The following PCNX1 variants were observed in gnomAD, a reference collection of about 807,000 sequenced individuals.
PCNX1 encodes the protein pecanex 1.
A neutral mutation model predicts 242.2 loss-of-function variants in PCNX1; 78 were observed. That is an observed-to-expected ratio of 0.32 (90% CI 0.27 to 0.39). The LOEUF (loss-of-function observed/expected upper bound fraction) is 0.39, where lower values mean the gene tolerates loss of function less well. Ranked by LOEUF, PCNX1 falls within the 10% of genes least tolerant of loss-of-function variation. The pLI, the probability that PCNX1 is intolerant of heterozygous loss-of-function variation, is 1.00. For missense variants in PCNX1, 2,581 were observed against 2,856.5 expected, an observed-to-expected ratio of 0.90 and a Z score of 2.20; for synonymous variants, 1,024 against 1,032.9, an observed-to-expected ratio of 0.99 and a Z score of 0.17.
chr14:71,057,698 T>C lies in PCNX1; in HGVS notation c.4826T>C (p.Phe1609Ser). ...GAGATAGGCAATGGTCTGGTCACTT[T>C]TCAGCTGCGGGGACTTGAATTCAGA... ...LIEIGNGLVT[F>S]QLRGLEFRGT... The change falls in exon 26 of 36, where the codon TTT becomes TCT. Residue 1609 changes from phenylalanine to serine, a missense_variant. By Grantham distance (155) the Phe-to-Ser change is radical. Transcript: ENST00000304743. The C allele has an allele frequency of 6.2e-7, 1 of 1,613,672 alleles. No homozygotes were observed. The highest frequency in any genetic ancestry group is 8.5e-7 in the Non-Finnish European group (1 of 1,179,626).
intron 30 of PCNX1, among the ~76,000 whole-genome samples, chr14:71,092,001 A>G (rs906444700): frequency 1.1e-4 from 16 of 152,246 alleles, no homozygotes; most frequent in African/African-American, 3.9e-4. Flanking sequence ...GTGCAGTACC[A>G]TAAACCTTAA....
rs200851585 is a variant in PCNX1, at chr14:70,949,391, A to ATG, written c.362+2280_362+2281dup. Among the ~76,000 whole-genome samples, 50 of 84,094 alleles carry ATG rather than the reference A, an allele frequency of 5.9e-4. 1 individual carries two copies. Among genetic ancestry groups the ATG allele is most frequent in the Non-Finnish European group, 1.7e-4 (6 of 36,148 alleles). The allele number at this position is 84,094 out of a possible 152,430, so 55.2% of individuals were successfully genotyped here. A position where few individuals can be genotyped will look rare whatever the true frequency, so the allele number is the denominator to read the frequency against. On this transcript the variant is annotated intron_variant, in intron 2 of 35. Transcript: ENST00000304743. ...TATAGACACATACGTGTATATACAT[A>ATG]TGTGTGTGTGTGTACATATATATGT...
At chr14:71,030,976 TAAAG>T (rs1381046824) in intron 16 of PCNX1, among the ~76,000 whole-genome samples, 1 of 152,186 alleles carries the variant, frequency 6.6e-6, no homozygotes, top group Non-Finnish European at 1.5e-5. Flanking sequence ...ACAACATTAT[TAAAG>T]AATAGTAACA....
At chr14:71,034,418 A>G (rs1405181048) in intron 18 of PCNX1, among the ~76,000 whole-genome samples, 1 of 152,106 alleles carries the variant, frequency 6.6e-6, no homozygotes, top group African/African-American at 2.4e-5. Flanking sequence ...ATGTCTCTGT[A>G]AGTCATTTAT....
intron 1 of PCNX1, among the ~76,000 whole-genome samples, chr14:70,935,530 C>T (rs538159397): frequency 2.8e-4 from 42 of 152,280 alleles, no homozygotes; most frequent in African/African-American, 9.9e-4. Context: ...ATCTTTGACT[C>T]TTTTTGTAGA....
chr14:71,015,509 G>C (rs1005981464), intron 11 of PCNX1, among the ~76,000 whole-genome samples: 6 of 152,260 alleles, frequency 3.9e-5, no homozygotes, highest in African/African-American at 1.4e-4. Flanking sequence ...TCATAAATGT[G>C]TATTGTAAAC....
chr14:71,022,223 G>A (rs1021628269), intron 12 of PCNX1, among the ~76,000 whole-genome samples: 10 of 152,092 alleles, frequency 6.6e-5, no homozygotes, highest in African/African-American at 2.4e-4. Context: ...TGTCAGTCTT[G>A]CACTATACCT....
intron 1 of PCNX1, among the ~76,000 whole-genome samples, chr14:70,916,241 A>G (rs2056148214): frequency 6.6e-6 from 1 of 152,164 alleles, no homozygotes; most frequent in Non-Finnish European, 1.5e-5. Flanking sequence ...AGTGTCGAAG[A>G]GGAATGTTCA....
rs1387360991 is a variant in PCNX1, at chr14:70,994,426, T to TATATATATATAG, written c.2445-1311_2445-1310insATATATAGATAT. On this transcript the variant is annotated intron_variant, in intron 7 of 35. Transcript: ENST00000304743. ...ATATATATATATATATATATATATA[T>TATATATATATAG]ATATGTATGTATGTATGTTTCAACA... Among the ~76,000 whole-genome samples the TATATATATATAG allele has an allele frequency of 9.8e-3, 1,130 of 114,868 alleles. 28 individuals are homozygous for TATATATATATAG. The highest frequency in any genetic ancestry group is 0.017 in the Non-Finnish European group (921 of 54,126). The allele number at this position is 114,868 out of a possible 152,430, so 75.4% of individuals were successfully genotyped here.
At chr14:70,932,461 C>T (rs1156329860) in intron 1 of PCNX1, among the ~76,000 whole-genome samples, 1 of 152,030 alleles carries the variant, frequency 6.6e-6, no homozygotes, top group Admixed American at 6.6e-5. Context: ...CAGTAAGACA[C>T]AGGCTTCATG....
At chr14:70,916,440 A>G (rs902638545) in intron 1 of PCNX1, among the ~76,000 whole-genome samples, 6 of 152,180 alleles carry the variant, frequency 3.9e-5, no homozygotes, top group African/African-American at 1.4e-4. Flanking sequence ...AAGAGAGTAC[A>G]GGCGTACCTT....
intron 14 of PCNX1, 81 bp downstream of exon 14, chr14:71,026,369 A>G (rs2060244094): frequency 1.2e-6 from 1 of 851,514 alleles, no homozygotes; most frequent in Non-Finnish European, 1.7e-6. Context: ...TATCAATTAT[A>G]CAGCTTTAGT....
At chr14:70,937,098 A>T (rs2057037529) in intron 1 of PCNX1, among the ~76,000 whole-genome samples, 1 of 152,096 alleles carries the variant, frequency 6.6e-6, no homozygotes, top group South Asian at 2.1e-4. Context: ...GTTCACTCTG[A>T]TGGTAGTTTC....
intron 16 of PCNX1, chr14:71,031,880 G>A (rs541438086): frequency 7.6e-6 from 11 of 1,452,398 alleles, no homozygotes; most frequent in East Asian, 2.3e-5. Flanking sequence ...TTCACAGCAC[G>A]AGCAGATTTT....
intron 30 of PCNX1, among the ~76,000 whole-genome samples, chr14:71,095,883 A>AGT (rs1410187055): frequency 6.6e-6 from 1 of 152,190 alleles, no homozygotes; most frequent in Non-Finnish European, 1.5e-5. Context: ...TTTCTTAAGA[A>AGT]TATGATTATT....
chr14:70,968,805 T>A (rs2058456257), intron 4 of PCNX1, among the ~76,000 whole-genome samples: 1 of 152,248 alleles, frequency 6.6e-6, no homozygotes, highest in Admixed American at 6.5e-5. Context: ...CCACATTGTT[T>A]GGTTTGTAGT....
chr14:70,994,426 T>TATAGATATATATATATATATATATATAG (rs1555357421), intron 7 of PCNX1, among the ~76,000 whole-genome samples: 1 of 114,984 alleles, frequency 8.7e-6, no homozygotes, highest in Non-Finnish European at 1.8e-5. Flanking sequence ...TATATATATA[T>TATAGATATATATATATATATATATATAG]ATATGTATGT....
chr14:70,919,249 A>G (rs911707481), intron 1 of PCNX1, among the ~76,000 whole-genome samples: 22 of 152,214 alleles, frequency 1.4e-4, no homozygotes, highest in Admixed American at 1.3e-3. Flanking sequence ...GACAGTAGAC[A>G]GAATTTTTCT....
At chr14:70,979,288 T>C (rs1218785997) in intron 6 of PCNX1, among the ~76,000 whole-genome samples, 1 of 152,204 alleles carries the variant, frequency 6.6e-6, no homozygotes, top group Non-Finnish European at 1.5e-5. Context: ...TATCCATTAA[T>C]TGATGTAAGA....
Sources: gnomAD v4.1 joint callset for allele counts (sites outside exome capture counted in the v4.1 genomes callset) on GRCh38, gnomAD v4.1.1 for gene constraint, MANE v1.5 for transcripts, NCBI Gene and HGNC (gene_info 2026-07-23, HGNC 2026-07-21) for gene names.